The following SPTLC3 variants were observed in gnomAD, a reference collection of about 807,000 sequenced individuals.
The protein encoded by SPTLC3 is serine palmitoyltransferase 3.
SPTLC3 carries 36 observed loss-of-function variants against 59.3 expected under a neutral mutation model. The observed-to-expected ratio is 0.61, with a 90% CI of 0.47 to 0.80. SPTLC3 has a LOEUF of 0.80. Among genes scored for constraint, SPTLC3 ranks in the 30% least tolerant of loss-of-function variants. The pLI is 0.00. For missense variants in SPTLC3, 625 were observed against 685.1 expected (o/e 0.91, Z 0.98); for synonymous variants, 257 against 240.8 (o/e 1.07, Z -0.62).
At chr20:13,077,373 C>T (rs3910133) in intron 4 of SPTLC3, among the ~76,000 whole-genome samples, 41,655 of 151,482 alleles carry the variant, frequency 0.27, 5,889 homozygotes, top group Middle Eastern at 0.35. Context: ...TTAATGATTG[C>T]TAATTTAATA....
chr20:13,140,379 C>A lies in SPTLC3; in HGVS notation c.1280-13624C>A, dbSNP rs564018059. Reference sequence around the variant, plus strand: ...CGAAAAGGAAGCTAATAAATTTGAACAGGCAGCAAACCTCTGATGTTCATC... The same window carrying A: ...CGAAAAGGAAGCTAATAAATTTGAAAAGGCAGCAAACCTCTGATGTTCATC... On this transcript the variant is annotated intron_variant, in intron 9 of 11. Coordinates refer to ENST00000399002, the MANE Select transcript of SPTLC3 (RefSeq NM_018327.4). 2.0e-5 allele frequency among the ~76,000 whole-genome samples: 3 copies of A among 152,270 alleles called. No homozygotes were observed. The South Asian group carries it at 6.2e-4, about 32-fold the overall frequency.
At chr20:13,116,194 G>C (rs1022959500) in intron 7 of SPTLC3, among the ~76,000 whole-genome samples, 7 of 152,262 alleles carry the variant, frequency 4.6e-5, no homozygotes, top group African/African-American at 1.7e-4. Flanking sequence ...TGTTTTGACT[G>C]AATCGACCTA....
intron 9 of SPTLC3, among the ~76,000 whole-genome samples, chr20:13,146,297 G>A (rs2038508005): frequency 6.6e-6 from 1 of 152,100 alleles, no homozygotes; most frequent in Non-Finnish European, 1.5e-5. Flanking sequence ...TGGGAGGAGG[G>A]AGAGGAGCAG....
In SPTLC3 at chr20:13,111,773, A is replaced by G. The variant is rs187469833; in HGVS notation, c.932+1556A>G. Among the ~76,000 whole-genome samples, 57 of 152,338 alleles carry G rather than the reference A, an allele frequency of 3.7e-4. 2 individuals are homozygous for G. In the East Asian group the frequency reaches 8.1e-3, roughly 22 times the overall value. On this transcript the variant is annotated intron_variant, in intron 7 of 11. Transcript: ENST00000399002. ...TGGGCATCTCCTTTAAGCAGAGTAAACAAAACCCAACTGCAAATAAATAGA... is the reference window on the plus strand; with the variant it reads ...TGGGCATCTCCTTTAAGCAGAGTAAGCAAAACCCAACTGCAAATAAATAGA...
intron 9 of SPTLC3, among the ~76,000 whole-genome samples, chr20:13,153,159 C>T (rs1404727621): frequency 6.6e-6 from 1 of 152,220 alleles, no homozygotes; most frequent in Non-Finnish European, 1.5e-5. Context: ...CACTATCTAG[C>T]TTTGGCTGGC....
chr20:13,078,726 T>C (rs1988734477), intron 4 of SPTLC3, among the ~76,000 whole-genome samples: 1 of 150,996 alleles, frequency 6.6e-6, no homozygotes, highest in South Asian at 2.1e-4. Context: ...ATGAGTTTAT[T>C]GTTCACCTTC....
chr20:13,054,217 G>A (rs6033601), intron 2 of SPTLC3, among the ~76,000 whole-genome samples: 132,592 of 152,138 alleles, frequency 0.87, 57,842 homozygotes, highest in East Asian at 0.92. Flanking sequence ...GAGAGTGGGA[G>A]TATGTGGGCA....
intron 9 of SPTLC3, among the ~76,000 whole-genome samples, chr20:13,145,544 T>C (rs2038489789): frequency 6.6e-6 from 1 of 152,150 alleles, no homozygotes; most frequent in Admixed American, 6.5e-5. Context: ...ATCAACATCA[T>C]TAAAATGGCT....
intron 2 of SPTLC3, among the ~76,000 whole-genome samples, chr20:13,071,435 TA>T (rs1197560485): frequency 2.6e-5 from 4 of 152,304 alleles, no homozygotes; most frequent in African/African-American, 9.6e-5. Flanking sequence ...TGATTTTTCC[TA>T]AATAGATTAT....
chr20:13,159,129 C>T (rs1294552358), intron 10 of SPTLC3, among the ~76,000 whole-genome samples: 1 of 152,126 alleles, frequency 6.6e-6, no homozygotes, highest in Non-Finnish European at 1.5e-5. Flanking sequence ...AGCCTTTGAG[C>T]TTGATATTCT....
intron 7 of SPTLC3, among the ~76,000 whole-genome samples, chr20:13,113,009 C>A (rs529031180): frequency 1.3e-5 from 2 of 152,196 alleles, no homozygotes; most frequent in East Asian, 1.9e-4. Context: ...AGGGTGAAAC[C>A]CCACCTCTAC....
intron 9 of SPTLC3, among the ~76,000 whole-genome samples, chr20:13,128,535 C>T (rs2038045760): frequency 6.6e-6 from 1 of 152,122 alleles, no homozygotes; most frequent in Non-Finnish European, 1.5e-5. Flanking sequence ...GAGGGTCAGC[C>T]TAGAGGTGAC....
chr20:13,064,089 G>C (rs1453128690), intron 2 of SPTLC3, among the ~76,000 whole-genome samples: 1 of 149,676 alleles, frequency 6.7e-6, no homozygotes, highest in Non-Finnish European at 1.5e-5. Flanking sequence ...GAGTGCAGTG[G>C]TGTGATTTTG....
intron 4 of SPTLC3, among the ~76,000 whole-genome samples, chr20:13,080,674 G>C (rs1417673442): frequency 6.6e-6 from 1 of 152,078 alleles, no homozygotes; most frequent in African/African-American, 2.4e-5. Flanking sequence ...TCAAAGGAGT[G>C]AAGAAAAGAG....
chr20:13,094,583 A>G (rs997873723), intron 6 of SPTLC3, among the ~76,000 whole-genome samples: 1 of 152,230 alleles, frequency 6.6e-6, no homozygotes, highest in African/African-American at 2.4e-5. Flanking sequence ...CTGACGGAGA[A>G]CTGAGGAAGA....
intron 1 of SPTLC3, among the ~76,000 whole-genome samples, chr20:13,042,520 C>A (rs1046503795): frequency 1.3e-5 from 2 of 152,178 alleles, no homozygotes; most frequent in Non-Finnish European, 2.9e-5. Flanking sequence ...AGAGTCTCTA[C>A]CCTACCAGTG....
chr20:13,070,087 T>C (rs2122563016), intron 2 of SPTLC3, among the ~76,000 whole-genome samples: 1 of 148,320 alleles, frequency 6.7e-6, no homozygotes, highest in Middle Eastern at 3.4e-3. Context: ...TTTTCTAGAA[T>C]TATATAATCT....
In SPTLC3 at chr20:13,108,221, T is replaced by C. The variant is rs150511681; in HGVS notation, c.827-1891T>C. 3.5e-3 allele frequency among the ~76,000 whole-genome samples: 532 copies of C among 152,334 alleles called. 4 individuals are homozygous for C. The highest frequency in any genetic ancestry group is 0.012 in the African/African-American group (508 of 41,570). Reference sequence around the variant, plus strand: ...CCAAGTCATAGGAAGTCACCTTTATTTAAATGTGGTTTGCTTAAATGTACT... The same window carrying C: ...CCAAGTCATAGGAAGTCACCTTTATCTAAATGTGGTTTGCTTAAATGTACT... On this transcript the variant is annotated intron_variant, in intron 6 of 11. Coordinates refer to ENST00000399002, the MANE Select transcript of SPTLC3 (RefSeq NM_018327.4).
chr20:13,033,749 ATATT>A (rs1986606158), intron 1 of SPTLC3, among the ~76,000 whole-genome samples: 1 of 152,216 alleles, frequency 6.6e-6, no homozygotes, highest in South Asian at 2.1e-4. Context: ...TGAACAGAAA[ATATT>A]TATTAAGTGA....
Sources: gnomAD v4.1 joint callset for allele counts (sites outside exome capture counted in the v4.1 genomes callset) on GRCh38, gnomAD v4.1.1 for gene constraint, MANE v1.5 for transcripts, NCBI Gene and HGNC (gene_info 2026-07-23, HGNC 2026-07-21) for gene names.